Variants in CHD3 observed in about 807,000 individuals in gnomAD.
CHD3 encodes ATP-dependent chromatin remodeler CHD3.
Under a neutral mutation model 248.9 loss-of-function variants are expected in CHD3, and 52 were observed. The ratio of observed to expected loss-of-function variants is 0.21; its 90% CI spans 0.17 to 0.26. The LOEUF (loss-of-function observed/expected upper bound fraction) is 0.26. Ranked by LOEUF, CHD3 falls within the 10% of genes least tolerant of loss-of-function variation. CHD3 has a pLI of 1.00. For missense variants in CHD3, 1,482 were observed against 2,605.8 expected, an observed-to-expected ratio of 0.57 and a Z score of 9.39; for synonymous variants, 985 against 985.2, an observed-to-expected ratio of 1.00 and a Z score of 0.00.
In CHD3 at chr17:7,905,074, C is replaced by T. The variant is rs759538249; in HGVS notation, c.4073-26C>T. On this transcript the variant is annotated intron_variant, in intron 25 of 39. Coordinates refer to ENST00000330494, the MANE Select transcript of CHD3 (RefSeq NM_001005273.3). This position sits in a 1 kb window ranked among gnomAD's most constrained non-coding sequence, Gnocchi z 5.8. Reference sequence around the variant, plus strand: ...GGCATATCCCGAGAGCCCTCCCTGACCACTGGGCCCTTTCCACCCCCACAG... The same window carrying T: ...GGCATATCCCGAGAGCCCTCCCTGATCACTGGGCCCTTTCCACCCCCACAG... 35 of 1,611,080 alleles carry T rather than the reference C, an allele frequency of 2.2e-5. No homozygotes were observed. Among genetic ancestry groups the T allele is most frequent in the Non-Finnish European group, 2.5e-5 (30 of 1,177,342 alleles).
At position 7,908,078 on chromosome 17, in the gene CHD3, T is replaced by C; in HGVS notation, c.5152+59T>C. On this transcript the variant is annotated intron_variant, in intron 34 of 39. Coordinates refer to ENST00000330494, the MANE Select transcript of CHD3 (RefSeq NM_001005273.3). The surrounding 1 kb of genome is among the most constrained non-coding windows in gnomAD (Gnocchi z 5.8). ...AGGGGATCTGCTCATCCTCATGGGG[T>C]TTCTCGTTTTGCCTGAGGCTTCCTG... 1 of 1,527,376 alleles carries C rather than the reference T, an allele frequency of 6.5e-7. No homozygotes were observed. The highest frequency in any genetic ancestry group is 1.4e-5 in the African/African-American group (1 of 71,980). The allele number at this position is 1,527,376 out of a possible 1,614,324, so 94.6% of individuals were successfully genotyped here. A position where few individuals can be genotyped will look rare whatever the true frequency, so the allele number is the denominator to read the frequency against.
In CHD3 at chr17:7,895,169, C is replaced by G; in HGVS notation, c.1503+19C>G. 6.2e-7 allele frequency: 1 copy of G among 1,610,682 alleles called. No individual in the cohort carries two copies. The highest frequency in any genetic ancestry group is 8.5e-7 in the Non-Finnish European group (1 of 1,177,858). ...ATGCACAGTGAGTGGAAACATCTCC[C>G]CTCTGTATTTACTGTCAGGCCTGAT... On this transcript the variant is annotated intron_variant, in intron 9 of 39. Coordinates refer to ENST00000330494, the MANE Select transcript of CHD3 (RefSeq NM_001005273.3). This position sits in a 1 kb window ranked among gnomAD's most constrained non-coding sequence, Gnocchi z 4.9.
At position 7,899,905 on chromosome 17, in the gene CHD3, C is replaced by G. The variant is rs1567854848; in HGVS notation, c.2554C>G (p.Gln852Glu). The G allele has an allele frequency of 1.9e-6, 3 of 1,612,440 alleles. No individual in the cohort carries two copies. The highest frequency in any genetic ancestry group is 1.3e-5 in the African/African-American group (1 of 74,860). ...ATAATTATGTTGGCAGAGGGAGGCA[C>G]AGGTGAAGTTCCATGTTCTCCTGAC... ...KKAFKMKREA[Q>E]VKFHVLLTSY... The change falls in exon 16 of 40, where the codon CAG (glutamine) becomes GAG (glutamate). Residue 852 changes from glutamine (Q) to glutamate (E), a missense_variant. By Grantham distance (29) the Gln-to-Glu change is conservative. This residue lies in a region of CHD3 where 49 missense variants were observed against 93.8 expected (regional missense o/e 0.52). Coordinates refer to ENST00000330494, the MANE Select transcript of CHD3 (RefSeq NM_001005273.3). The surrounding 1 kb of genome is among the most constrained non-coding windows in gnomAD (Gnocchi z 6.8).
rs201739166 is a variant in CHD3 at position 7,895,451 on chromosome 17, C to A, written c.1616C>A (p.Pro539His). 3.3e-5 allele frequency: 53 copies of A among 1,614,042 alleles called. No homozygotes were observed. The highest frequency in any genetic ancestry group is 4.2e-5 in the Non-Finnish European group (49 of 1,180,028). The change falls in exon 10 of 40, where the codon CCC (proline) becomes CAC (histidine). Residue 539 changes from proline (P) to histidine (H), a missense_variant. Physicochemically the swap from Pro to His is moderately conservative, Grantham distance 77. Around this residue, in one of 20 missense-constraint regions of CHD3, gnomAD observed 24 missense variants for 18.3 expected, o/e 1.31. Coordinates refer to ENST00000330494, the MANE Select transcript of CHD3 (RefSeq NM_001005273.3). The surrounding 1 kb of genome is among the most constrained non-coding windows in gnomAD (Gnocchi z 4.9). ...GATGGAAATCCAGATGTCCCACCCC[C>A]CCGTCCTCTTCAAGGCAGATCAGAG... Reference protein sequence around the residue: ...QADGNPDVPPPRPLQGRSERE... With the variant: ...QADGNPDVPPHRPLQGRSERE...
In CHD3 at chr17:7,907,168, C is replaced by G. The variant is rs199768991; in HGVS notation, c.4709C>G (p.Pro1570Arg). 3.1e-6 allele frequency: 5 copies of G among 1,614,206 alleles called. No individual in the cohort carries two copies. In the Admixed American group the frequency reaches 6.7e-5, roughly 22 times the overall value. ...PSEKGEGIRT[P>R]LEKEEAENQE... is the part of the protein sequence containing the mutation. The stretch of plus-strand genomic sequence containing the variant: ...GAGAAAGGAGAAGGCATAAGGACAC[C>G]TCTTGAGAAGGAGGAAGCTGAAAAC... The change falls in exon 31 of 40, where the codon CCT (proline) becomes CGT (arginine). Residue 1570 changes from proline (P) to arginine (R), a missense_variant. Physicochemically the swap from Pro to Arg is moderately radical, Grantham distance 103 (BLOSUM62 -2). Transcript: ENST00000330494. This position sits in a 1 kb window ranked among gnomAD's most constrained non-coding sequence, Gnocchi z 4.3.
Position 7,900,757 on chromosome 17 carries a change from A to C in CHD3, c.2978+26A>C. On this transcript the variant is annotated intron_variant, in intron 18 of 39. Coordinates refer to ENST00000330494, the MANE Select transcript of CHD3 (RefSeq NM_001005273.3). The surrounding 1 kb of genome is among the most constrained non-coding windows in gnomAD (Gnocchi z 6.5). ...GTAAGATGCAAGACGAGCTGCCTGG[A>C]GTAGGGCTTGGGGATTGATGGGAGC... 6.2e-7 allele frequency: 1 copy of C among 1,610,270 alleles called. No individual in the cohort carries two copies. The highest frequency in any genetic ancestry group is 1.1e-5 in the South Asian group (1 of 91,034).
At position 7,906,133 on chromosome 17, in the gene CHD3, C is replaced by T; in HGVS notation, c.4358+144C>T. The T allele has an allele frequency of 7.6e-7, 1 of 1,312,674 alleles. No individual in the cohort carries two copies. The highest frequency in any genetic ancestry group is 1.1e-6 in the Non-Finnish European group (1 of 918,816). 81.3% of individuals were successfully genotyped at this position (1,312,674 alleles called of 1,614,324 possible). On this transcript the variant is annotated intron_variant, in intron 28 of 39. Transcript: ENST00000330494. The surrounding 1 kb of genome is among the most constrained non-coding windows in gnomAD (Gnocchi z 5.0). Reference sequence around the variant, plus strand: ...CATACAATACTTCCTGGCTCGATTTCCTGGGGGGTGGTCTCAGCCCACTCC... The same window carrying T: ...CATACAATACTTCCTGGCTCGATTTTCTGGGGGGTGGTCTCAGCCCACTCC...
chr17:7,898,848 A>T (rs1430746051), intron 13 of CHD3, among the ~76,000 whole-genome samples, 163 bp from the exon 14 acceptor site: 1 of 152,126 alleles, frequency 6.6e-6, no homozygotes, highest in Non-Finnish European at 1.5e-5. Context: ...GTCTTAAGGA[A>T]TGAGGGGGAG....
At position 7,897,821 on chromosome 17, in the gene CHD3, A is replaced by C; in HGVS notation, c.1920-150A>C. 1.2e-6 allele frequency: 1 copy of C among 817,808 alleles called. No homozygotes were observed. The highest frequency in any genetic ancestry group is 1.9e-6 in the Non-Finnish European group (1 of 517,784). The allele number at this position is 817,808 out of a possible 1,614,324, so 50.7% of individuals were successfully genotyped here. A position where few individuals can be genotyped will look rare whatever the true frequency, so the allele number is the denominator to read the frequency against. On this transcript the variant is annotated intron_variant, in intron 11 of 39. Coordinates refer to ENST00000330494, the MANE Select transcript of CHD3 (RefSeq NM_001005273.3). The surrounding 1 kb of genome is among the most constrained non-coding windows in gnomAD (Gnocchi z 4.8). ...AGAAGGTTAGGCTGCTAGGTCAACT[A>C]TTCCAATCTCCCTTCCAGCAGCTCA...
intron 3 of CHD3, 39 bp downstream of exon 3, chr17:7,890,780 T>C: frequency 6.3e-7 from 1 of 1,584,180 alleles, no homozygotes. Flanking sequence ...AAATCTGCAT[T>C]AAAGACGGGC....
At chr17:7,901,504 G>GTTT (rs34660030) in intron 20 of CHD3, 129 bp downstream of exon 20, 272 of 173,216 alleles carry the variant, frequency 1.6e-3, no homozygotes, top group South Asian at 6.1e-3. Flanking sequence ...TCCTGTAAGA[G>GTTT]TTTTTTTTTT....
intron 20 of CHD3, 28 bp from the exon 21 acceptor site, chr17:7,902,582 C>T (rs1970445736): frequency 6.8e-7 from 1 of 1,470,424 alleles, no homozygotes; most frequent in Non-Finnish European, 9.5e-7. Context: ...CTCATTATTG[C>T]AGACTCCATC....
Position 7,910,180 on chromosome 17 carries a change from C to T in CHD3, c.5591-248C>T. On this transcript the variant is annotated intron_variant, in intron 37 of 39. Coordinates refer to ENST00000330494, the MANE Select transcript of CHD3 (RefSeq NM_001005273.3). The surrounding 1 kb of genome is among the most constrained non-coding windows in gnomAD (Gnocchi z 4.7). ...TCCCTTTTTCTTTCTTCTTTCTCTC[C>T]ATCTGTCTTCTGTGGTAATCTGGTC... 4.0e-6 allele frequency: 2 copies of T among 505,056 alleles called. No homozygotes were observed. Among genetic ancestry groups the T allele is most frequent in the East Asian group, 7.3e-5 (2 of 27,456 alleles). The allele number at this position is 505,056 out of a possible 1,614,324, so 31.3% of individuals were successfully genotyped here.
Position 7,904,076 on chromosome 17 carries a change from G to A in CHD3, c.3894+85G>A, listed in dbSNP as rs967777472. The A allele has an allele frequency of 1.5e-5, 22 of 1,440,640 alleles. No homozygotes were observed. Among genetic ancestry groups the A allele is most frequent in the Non-Finnish European group, 1.9e-5 (20 of 1,048,358 alleles). 89.2% of individuals were successfully genotyped at this position (1,440,640 alleles called of 1,614,324 possible). On this transcript the variant is annotated intron_variant, in intron 24 of 39. Coordinates refer to ENST00000330494, the MANE Select transcript of CHD3 (RefSeq NM_001005273.3). The surrounding 1 kb of genome is among the most constrained non-coding windows in gnomAD (Gnocchi z 4.4). ...CTTTACTCAGCCTTGAAGTAGGAGG[G>A]TCTGTCCCCCTTAAAACAGTAGTGG...
Position 7,910,674 on chromosome 17 carries a change from A to G in CHD3, c.5754+83A>G, listed in dbSNP as rs893981062. ...ACAAACACTTCCATCAGAATCCTAT[A>G]CAATATGGAAAAACAACTTGCTAGA... On this transcript the variant is annotated intron_variant, in intron 38 of 39. Coordinates refer to ENST00000330494, the MANE Select transcript of CHD3 (RefSeq NM_001005273.3). The surrounding 1 kb of genome is among the most constrained non-coding windows in gnomAD (Gnocchi z 4.7). The G allele has an allele frequency of 1.3e-6, 2 of 1,528,512 alleles. No individual in the cohort carries two copies. The highest frequency in any genetic ancestry group is 2.3e-5 in the East Asian group (1 of 44,260). The allele number at this position is 1,528,512 out of a possible 1,614,324, so 94.7% of individuals were successfully genotyped here.
chr17:7,885,716 C>A (rs1213366190), upstream of CHD3, among the ~76,000 whole-genome samples: 2 of 152,138 alleles, frequency 1.3e-5, no homozygotes, highest in Admixed American at 6.5e-5. Flanking sequence ...CCATCGGACC[C>A]CCCTCCACCC....
chr17:7,899,093 A>T lies in CHD3; in HGVS notation c.2234A>T (p.Asn745Ile). 2 of 1,614,148 alleles carry T rather than the reference A, an allele frequency of 1.2e-6. No homozygotes were observed. Among genetic ancestry groups the T allele is most frequent in the Non-Finnish European group, 1.7e-6 (2 of 1,180,008 alleles). Residue 745 changes from asparagine to isoleucine, a missense_variant, in exon 14 of 40, where the codon AAC becomes ATC. By Grantham distance (149) the Asn-to-Ile change is moderately radical (BLOSUM62 -3). This residue lies in a region of CHD3 where 18 missense variants were observed against 88.8 expected (regional missense o/e 0.20). Coordinates refer to ENST00000330494, the MANE Select transcript of CHD3 (RefSeq NM_001005273.3). The surrounding 1 kb of genome is among the most constrained non-coding windows in gnomAD (Gnocchi z 6.8). ...TLHMYQLEGL[N>I]WLRFSWAQGT... The stretch of plus-strand genomic sequence containing the variant: ...CACATGTATCAGTTGGAAGGGCTGA[A>T]CTGGCTACGCTTCTCCTGGGCCCAG...
At chr17:7,893,659 G>T in intron 5 of CHD3, 90 bp downstream of exon 5, 1 of 1,528,562 alleles carries the variant, frequency 6.5e-7, no homozygotes, top group Non-Finnish European at 8.8e-7. Context: ...TCCCAGCCCT[G>T]ATTGCTGGAG....
Position 7,908,566 on chromosome 17 carries a change from A to AG in CHD3, c.5261+56_5261+57insG, listed in dbSNP as rs1971274475. 3 of 1,595,100 alleles carry AG rather than the reference A, an allele frequency of 1.9e-6. No homozygotes were observed. In the East Asian group the frequency reaches 6.7e-5, roughly 36 times the overall value. ...AGGTTCTCTCAAGCTGGCAAAAAAAAAAAAGATGATTTCACACCCAGGGAC... is the reference window on the plus strand; with the variant it reads ...AGGTTCTCTCAAGCTGGCAAAAAAAAGAAAAGATGATTTCACACCCAGGGAC... On this transcript the variant is annotated intron_variant, in intron 35 of 39. Coordinates refer to ENST00000330494, the MANE Select transcript of CHD3 (RefSeq NM_001005273.3). This position sits in a 1 kb window ranked among gnomAD's most constrained non-coding sequence, Gnocchi z 5.8.
Sources: gnomAD v4.1 joint callset for allele counts (sites outside exome capture counted in the v4.1 genomes callset) on GRCh38, gnomAD v4.1.1 for gene constraint, gnomAD v4.1.1 regional missense constraint, Gnocchi (gnomAD v3.1) non-coding constraint, MANE v1.5 for transcripts, NCBI Gene and HGNC (gene_info 2026-07-23, HGNC 2026-07-21) for gene names.